Variants in RAB37 observed in about 807,000 individuals in gnomAD.
RAB37 encodes the protein RAB37, member RAS oncogene family.
In RAB37, 29 loss-of-function variants were observed where a neutral mutation model predicts 33.1. That is an observed-to-expected ratio of 0.88 (90% CI 0.65 to 1.20). RAB37 has a LOEUF of 1.20. RAB37 is among the 50% of genes most tolerant of loss of function. The probability of loss-of-function intolerance (pLI) is 0.00; values close to 1 mark genes in which losing one functional copy is unlikely to be tolerated. For synonymous variants in RAB37, 128 were observed against 119.5 expected, an observed-to-expected ratio of 1.07 and a Z score of -0.47; for missense variants, 299 against 301.1, an observed-to-expected ratio of 0.99 and a Z score of 0.05.
chr17:74,732,081 A>G (rs181734977), intron 2 of RAB37, among the ~76,000 whole-genome samples: 52 of 152,004 alleles, frequency 3.4e-4, no homozygotes, highest in African/African-American at 1.1e-3. Flanking sequence ...ACGGTTCACT[A>G]TTACCTTCCA....
chr17:74,736,925 G>C, upstream of RAB37: 1 of 1,503,926 alleles, frequency 6.6e-7, no homozygotes, highest in Non-Finnish European at 8.9e-7. Flanking sequence ...GCGACTACGG[G>C]AACTCTTCCG....
intron 1 of RAB37, chr17:74,705,509 T>C (rs907227319): frequency 1.1e-5 from 5 of 469,196 alleles, no homozygotes; most frequent in Non-Finnish European, 1.9e-5. Flanking sequence ...CAATCCTACA[T>C]TCTCCTGATT....
Position 74,738,728 on chromosome 17 carries a change from G to A in RAB37, c.93+1363G>A, listed in dbSNP as rs1482862087. Among the ~76,000 whole-genome samples the A allele has an allele frequency of 1.3e-5, 2 of 152,124 alleles. No homozygotes were observed. ...TCTGTTCCCTGGCCAAGCGGCATTGGCCGGAGAGTTGGTCCCCAGCCTCCC... is the reference window on the plus strand; with the variant it reads ...TCTGTTCCCTGGCCAAGCGGCATTGACCGGAGAGTTGGTCCCCAGCCTCCC... On this transcript the variant is annotated intron_variant, in intron 1 of 8. Coordinates refer to ENST00000392613, the MANE Select transcript of RAB37 (RefSeq NM_001006638.3). This position sits in a 1 kb window ranked among gnomAD's most constrained non-coding sequence, Gnocchi z 5.0.
intron 1 of RAB37, among the ~76,000 whole-genome samples, chr17:74,716,082 C>G (rs1222906402): frequency 6.6e-6 from 1 of 152,186 alleles, no homozygotes; most frequent in Non-Finnish European, 1.5e-5. Context: ...AGCTGCTCCT[C>G]TAACCAAGTG....
At chr17:74,682,675 C>T (rs546603351) in intron 1 of RAB37, among the ~76,000 whole-genome samples, 1 of 152,244 alleles carries the variant, frequency 6.6e-6, no homozygotes. Context: ...GAGGTCAAGG[C>T]GGGTGGATCA....
In RAB37 at chr17:74,742,180, C is replaced by G; in HGVS notation, c.205-74C>G. 6.4e-7 allele frequency: 1 copy of G among 1,573,436 alleles called. No homozygotes were observed. Among genetic ancestry groups the G allele is most frequent in the Non-Finnish European group, 8.6e-7 (1 of 1,157,516 alleles). ...ACCCACTCTAGGCCTGGAGAGGGAA[C>G]AAGACAGGACGTCTGCAGAGCTGAG... On this transcript the variant is annotated intron_variant, in intron 2 of 8. Transcript: ENST00000392613. The surrounding 1 kb of genome is among the most constrained non-coding windows in gnomAD (Gnocchi z 4.0).
chr17:74,698,454 G>A, intron 1 of RAB37: 2 of 1,613,974 alleles, frequency 1.2e-6, no homozygotes, highest in South Asian at 1.1e-5. Flanking sequence ...TGAGGGGCAG[G>A]AGGACACTGA....
At chr17:74,736,329 A>G (rs2034474041), upstream of RAB37, among the ~76,000 whole-genome samples, 1 of 152,246 alleles carries the variant, frequency 6.6e-6, no homozygotes, top group African/African-American at 2.4e-5. Flanking sequence ...TGCTTATAGA[A>G]TGTGGAGATG....
intron 1 of RAB37, among the ~76,000 whole-genome samples, chr17:74,710,353 A>T (rs998708787): frequency 1.3e-5 from 2 of 152,308 alleles, no homozygotes; most frequent in Non-Finnish European, 1.5e-5. Flanking sequence ...GTTAGAGAAA[A>T]TTTTTTAATT....
At chr17:74,712,962 T>C in intron 1 of RAB37, 1 of 1,255,522 alleles carries the variant, frequency 8.0e-7, no homozygotes, top group Non-Finnish European at 1.1e-6. Flanking sequence ...ACTCTCGCCC[T>C]TGAACTTCCT....
chr17:74,704,792 G>A, intron 1 of RAB37: 1 of 1,613,436 alleles, frequency 6.2e-7, no homozygotes, highest in Admixed American at 1.7e-5. Flanking sequence ...TGTTGGACCG[G>A]TGATTTGAGT....
At chr17:74,682,654 C>T (rs924867713) in intron 1 of RAB37, among the ~76,000 whole-genome samples, 1 of 152,176 alleles carries the variant, frequency 6.6e-6, no homozygotes, top group African/African-American at 2.4e-5. Flanking sequence ...CTTGTAATCC[C>T]AGCACTTTGG....
At chr17:74,695,054 G>T in intron 1 of RAB37, 1 of 1,591,284 alleles carries the variant, frequency 6.3e-7, no homozygotes, top group South Asian at 1.1e-5. Flanking sequence ...AGGCAGGAGT[G>T]TGCTCACAGC....
intron 1 of RAB37, among the ~76,000 whole-genome samples, chr17:74,680,621 T>C (rs573413482): frequency 1.3e-5 from 2 of 152,084 alleles, no homozygotes; most frequent in South Asian, 2.1e-4. Context: ...TCCTCTCCCC[T>C]ACCCCTTGCC....
chr17:74,703,977 C>A (rs143578510), intron 1 of RAB37, among the ~76,000 whole-genome samples: 1 of 152,330 alleles, frequency 6.6e-6, no homozygotes, highest in East Asian at 1.9e-4. Flanking sequence ...CTGTGAAGAC[C>A]TTTCTGGACT....
chr17:74,729,346 A>G lies in RAB37; in HGVS notation c.163A>G (p.Thr55Ala), dbSNP rs1480074100. ...GTTCATCCCCGGCTCCTTCTCGGCC[A>G]CTGTGGGCATCGGATTCACGGTAAG... is the stretch of plus-strand genomic sequence containing the variant. The change falls in exon 2 of 8, where the codon ACT becomes GCT. Residue 55 changes from threonine to alanine, a missense_variant. Coordinates refer to the RAB37 transcript ENST00000340415. The surrounding 1 kb of genome is among the most constrained non-coding windows in gnomAD (Gnocchi z 4.2). 1 of 1,613,954 alleles carries G rather than the reference A, an allele frequency of 6.2e-7. No homozygotes were observed. The highest frequency in any genetic ancestry group is 1.7e-5 in the Admixed American group (1 of 60,004).
At chr17:74,725,573 C>T (rs985518721) in intron 1 of RAB37, among the ~76,000 whole-genome samples, 5 of 151,994 alleles carry the variant, frequency 3.3e-5, no homozygotes, top group East Asian at 1.9e-4. Flanking sequence ...AATAGACCAG[C>T]GCTGAGCTCT....
upstream of RAB37, chr17:74,737,177 G>A (rs1489414807): frequency 1.5e-5 from 23 of 1,541,482 alleles, no homozygotes; most frequent in African/African-American, 1.2e-4. Flanking sequence ...AGGGGTCCCG[G>A]TCGAGGGAGG....
Position 74,742,268 on chromosome 17 carries a change from T to C in RAB37, c.219T>C (p.Thr73=), listed in dbSNP as rs747348665. Residue 73 remains threonine (T), a synonymous_variant, in exon 3 of 9, where the codon ACT becomes ACC. Transcript: ENST00000392613. This position sits in a 1 kb window ranked among gnomAD's most constrained non-coding sequence, Gnocchi z 4.0. ...TTCTCTTTCAGAACAAGGTGGTGACTGTGGATGGCGTGAGAGTGAAGCTGC... is the reference window on the plus strand; with the variant it reads ...TTCTCTTTCAGAACAAGGTGGTGACCGTGGATGGCGTGAGAGTGAAGCTGC... ...VGIDFRNKVV[T]VDGVRVKLQI... 1.9e-6 allele frequency: 3 copies of C among 1,613,324 alleles called. No homozygotes were observed. The African/African-American group carries it at 4.0e-5, about 22-fold the overall frequency.
Sources: gnomAD v4.1 joint callset for allele counts (sites outside exome capture counted in the v4.1 genomes callset) on GRCh38, gnomAD v4.1.1 for gene constraint, Gnocchi (gnomAD v3.1) non-coding constraint, MANE v1.5 for transcripts, NCBI Gene and HGNC (gene_info 2026-07-23, HGNC 2026-07-21) for gene names.